The following PCDHGA3 variants were observed in gnomAD, a reference collection of about 807,000 sequenced individuals.
PCDHGA3 encodes the protein protocadherin gamma subfamily A, 3, also known as protocadherin gamma-A3.
PCDHGA3 carries 40 observed loss-of-function variants against 58.5 expected under a neutral mutation model. The ratio of observed to expected loss-of-function variants is 0.68; its 90% CI spans 0.53 to 0.89. The LOEUF is 0.89. PCDHGA3 is among the 40% of genes least tolerant of loss of function. The pLI, the probability that PCDHGA3 is intolerant of heterozygous loss-of-function variation, is 0.00. For missense variants in PCDHGA3, 1,223 were observed against 1,195.9 expected, an observed-to-expected ratio of 1.02 and a Z score of -0.33; for synonymous variants, 530 against 525.7, an observed-to-expected ratio of 1.01 and a Z score of -0.11.
chr5:141,485,434 G>A lies in PCDHGA3; in HGVS notation c.2425-9373G>A. The A allele has an allele frequency of 6.2e-7, 1 of 1,614,166 alleles. No individual in the cohort carries two copies. The highest frequency in any genetic ancestry group is 8.5e-7 in the Non-Finnish European group (1 of 1,180,018). On this transcript the variant is annotated intron_variant, in intron 1 of 3. Coordinates refer to ENST00000253812, the MANE Select transcript of PCDHGA3 (RefSeq NM_018916.4). This position sits in a 1 kb window ranked among gnomAD's most constrained non-coding sequence, Gnocchi z 5.7. ...TGGACAGCGGAGCCCTGCTCATCAA[G>A]AACCCAATCGACCGAGAGGCACTGT...
chr5:141,484,603 G>T (rs1460433183), intron 1 of PCDHGA3, among the ~76,000 whole-genome samples: 1 of 152,008 alleles, frequency 6.6e-6, no homozygotes, highest in Non-Finnish European at 1.5e-5. Context: ...TAGAATACTG[G>T]TTGATGACAA....
chr5:141,439,470 T>C (rs1357441747), intron 1 of PCDHGA3, among the ~76,000 whole-genome samples: 1 of 152,220 alleles, frequency 6.6e-6, no homozygotes, highest in African/African-American at 2.4e-5. Flanking sequence ...CTGCTGCCTT[T>C]CAGCTTGCAA....
chr5:141,386,660 A>C (rs1300288203), intron 1 of PCDHGA3, among the ~76,000 whole-genome samples: 1 of 151,968 alleles, frequency 6.6e-6, no homozygotes, highest in Non-Finnish European at 1.5e-5. Context: ...CAAGTTCTGC[A>C]GTGTTCACAT....
In PCDHGA3 at chr5:141,486,757, C is replaced by A; in HGVS notation, c.2425-8050C>A. 5 of 1,614,228 alleles carry A rather than the reference C, an allele frequency of 3.1e-6. No homozygotes were observed. Among genetic ancestry groups the A allele is most frequent in the Non-Finnish European group, 4.2e-6 (5 of 1,180,036 alleles). ...CTCGATCCTTTGACTATGAGCAAAC[C>A]CAGACACTGCAGTTTGAGGTGCAGG... On this transcript the variant is annotated intron_variant, in intron 1 of 3. Coordinates refer to ENST00000253812, the MANE Select transcript of PCDHGA3 (RefSeq NM_018916.4). This position sits in a 1 kb window ranked among gnomAD's most constrained non-coding sequence, Gnocchi z 5.0.
At position 141,413,315 on chromosome 5, in the gene PCDHGA3, C is replaced by G. The variant is rs747758921; in HGVS notation, c.2424+66858C>G. The stretch of plus-strand genomic sequence containing the variant: ...ATTCCTGAGGAATTAGAGAAAGGCT[C>G]TTTCGTGGGCAACATCTCCAAGGAC... On this transcript the variant is annotated intron_variant, in intron 1 of 3. Transcript: ENST00000253812. 6 of 1,613,976 alleles carry G rather than the reference C, an allele frequency of 3.7e-6. No individual in the cohort carries two copies. The South Asian group carries it at 5.5e-5, about 15-fold the overall frequency.
chr5:141,385,267 T>G lies in PCDHGA3; in HGVS notation c.2424+38810T>G, dbSNP rs965746690. On this transcript the variant is annotated intron_variant, in intron 1 of 3. Transcript: ENST00000253812. ...CCAGGAGAGCTGTGAGAAAAATGAT[T>G]CTTTGCTAACATCCGTAGATTTTCA... 10 of 1,614,058 alleles carry G rather than the reference T, an allele frequency of 6.2e-6. No individual in the cohort carries two copies. In the African/African-American group the frequency reaches 1.2e-4, roughly 19 times the overall value.
intron 1 of PCDHGA3, among the ~76,000 whole-genome samples, chr5:141,347,997 A>G (rs888137626): frequency 6.6e-6 from 1 of 152,220 alleles, no homozygotes; most frequent in African/African-American, 2.4e-5. Context: ...AATATGTCTC[A>G]GCCTCTGCGG....
intron 3 of PCDHGA3, among the ~76,000 whole-genome samples, chr5:141,509,338 C>T (rs2099876319): frequency 6.6e-6 from 1 of 152,188 alleles, no homozygotes; most frequent in Admixed American, 6.5e-5. Flanking sequence ...CCAGCTGGGC[C>T]TGGGCTGGCC....
intron 1 of PCDHGA3, chr5:141,403,714 C>A: frequency 1.2e-6 from 2 of 1,613,910 alleles, no homozygotes; most frequent in South Asian, 1.1e-5. Context: ...TCCTTGAGAA[C>A]GTGCCCCCAG....
chr5:141,462,036 G>A (rs760555655), intron 1 of PCDHGA3, among the ~76,000 whole-genome samples: 5 of 151,978 alleles, frequency 3.3e-5, no homozygotes, highest in African/African-American at 7.3e-5. Flanking sequence ...TTGGTCAGGC[G>A]GGTCTTGAAC....
Position 141,345,804 on chromosome 5 carries a change from G to A in PCDHGA3, c.1771G>A (p.Val591Met), listed in dbSNP as rs1561490892. 2 of 1,613,960 alleles carry A rather than the reference G, an allele frequency of 1.2e-6. No homozygotes were observed. The highest frequency in any genetic ancestry group is 1.7e-6 in the Non-Finnish European group (2 of 1,180,032). Residue 591 changes from valine to methionine, a missense_variant, in exon 1 of 4, where the codon GTG (valine) becomes ATG (methionine). Physicochemically the swap from Val to Met is conservative, Grantham distance 21. Coordinates refer to ENST00000253812, the MANE Select transcript of PCDHGA3 (RefSeq NM_018916.4). ...AGAGCCCGGCTACCTGGTGACCAAGGTGGTGGCGGTGGACAGAGACTCGGG... is the reference window on the plus strand; with the variant it reads ...AGAGCCCGGCTACCTGGTGACCAAGATGGTGGCGGTGGACAGAGACTCGGG... ...SAEPGYLVTK[V>M]VAVDRDSGQN...
intron 1 of PCDHGA3, among the ~76,000 whole-genome samples, chr5:141,457,698 G>C (rs1008393847): frequency 7.9e-5 from 12 of 152,234 alleles, no homozygotes; most frequent in Admixed American, 5.2e-4. Flanking sequence ...GATTGGCTTT[G>C]ATGAAACACT....
chr5:141,400,476 C>T (rs2094027348), intron 1 of PCDHGA3: 2 of 1,613,846 alleles, frequency 1.2e-6, no homozygotes, highest in African/African-American at 2.7e-5. Context: ...CATCTGGGGC[C>T]TTATTTCCAC....
At chr5:141,352,545 AT>A (rs769407740) in intron 1 of PCDHGA3, 106 of 1,613,832 alleles carry the variant, frequency 6.6e-5, no homozygotes, top group Non-Finnish European at 8.2e-5. Flanking sequence ...ACAGAGTTTA[AT>A]TCTCTCAACC....
At chr5:141,508,434 G>A (rs2099868795) in intron 3 of PCDHGA3, among the ~76,000 whole-genome samples, 1 of 152,160 alleles carries the variant, frequency 6.6e-6, no homozygotes, top group Admixed American at 6.5e-5. Flanking sequence ...AGCTCACACA[G>A]TTCCTTAGTG....
intron 1 of PCDHGA3, chr5:141,398,997 G>A: frequency 6.2e-7 from 1 of 1,613,934 alleles, no homozygotes; most frequent in Non-Finnish European, 8.5e-7. Flanking sequence ...TCTTTAGTCT[G>A]AATTCAAAGA....
intron 1 of PCDHGA3, chr5:141,403,617 G>A (rs369607013): frequency 1.8e-4 from 288 of 1,613,738 alleles, no homozygotes; most frequent in East Asian, 1.0e-3. Context: ...GAGCCGCGTC[G>A]CTCCAGCACA....
chr5:141,439,390 C>T (rs528547728), intron 1 of PCDHGA3, among the ~76,000 whole-genome samples: 1 of 152,266 alleles, frequency 6.6e-6, no homozygotes, highest in South Asian at 2.1e-4. Flanking sequence ...GTCATCACTT[C>T]GACTTCATGT....
intron 1 of PCDHGA3, among the ~76,000 whole-genome samples, chr5:141,442,810 T>C (rs2098345227): frequency 6.6e-6 from 1 of 152,222 alleles, no homozygotes; most frequent in Non-Finnish European, 1.5e-5. Context: ...ATTCAAATTG[T>C]ACTGATCCAA....
Sources: allele counts gnomAD v4.1 joint callset (sites outside exome capture counted in the v4.1 genomes callset), GRCh38; gene constraint gnomAD v4.1.1; non-coding constraint Gnocchi (gnomAD v3.1); transcripts MANE v1.5; gene names NCBI Gene and HGNC (gene_info 2026-07-23, HGNC 2026-07-21).